Variants in AP1M1 observed in about 807,000 individuals in gnomAD.
AP1M1 encodes adaptor related protein complex 1 subunit mu 1.
In AP1M1, 18 loss-of-function variants were observed where a neutral mutation model predicts 57.1. The ratio of observed to expected loss-of-function variants is 0.32; its 90% CI spans 0.22 to 0.47. The LOEUF is 0.47. AP1M1 is among the 20% of genes least tolerant of loss of function. AP1M1 has a pLI of 1.00. For missense variants in AP1M1, 362 were observed against 593.5 expected (o/e 0.61, Z 4.05); for synonymous variants, 241 against 237.9 (o/e 1.01, Z -0.12).
At chr19:16,234,336 G>T (rs2091613844) in intron 11 of AP1M1, 62 bp downstream of exon 11, 1 of 1,613,266 alleles carries the variant, frequency 6.2e-7, no homozygotes, top group Non-Finnish European at 8.5e-7. Flanking sequence ...GCTGCCCCCA[G>T]GGTGGAGCCA....
intron 9 of AP1M1, 87 bp downstream of exon 9, chr19:16,229,015 G>A (rs2091584183): frequency 2.0e-6 from 3 of 1,474,824 alleles, no homozygotes. Flanking sequence ...TGCACCTCAA[G>A]ATGGGGTGAC....
rs527788254 is a variant in AP1M1 at position 16,215,295 on chromosome 19, T to C, written c.546+6118T>C. 1.3e-4 allele frequency among the ~76,000 whole-genome samples: 17 copies of C among 130,520 alleles called. No homozygotes were observed. The South Asian group carries it at 4.7e-3, about 36-fold the overall frequency. 85.6% of individuals were successfully genotyped at this position (130,520 alleles called of 152,430 possible). On this transcript the variant is annotated intron_variant, in intron 5 of 11. Transcript: ENST00000291439. ...GGCCAACATGGTGAAACCTGGTCTC[T>C]ACTGAAAATATAAAAATTAGCAGCA...
intron 5 of AP1M1, among the ~76,000 whole-genome samples, chr19:16,214,885 A>G (rs1441743500): frequency 6.6e-6 from 1 of 151,832 alleles, no homozygotes; most frequent in African/African-American, 2.4e-5. Flanking sequence ...ATTGGCTGGG[A>G]CTATAGGCAG....
chr19:16,226,585 G>T, intron 6 of AP1M1, 38 bp downstream of exon 6: 1 of 1,549,610 alleles, frequency 6.5e-7, no homozygotes, highest in Non-Finnish European at 8.8e-7. Flanking sequence ...CATGAGGATG[G>T]CCTCACCAGG....
chr19:16,242,566 T>TGG lies in AP1M1; in HGVS notation c.*8132_*8133insGG, dbSNP rs1333942879. The stretch of plus-strand genomic sequence containing the variant: ...TGAAATACAAAATCCTGTGATATCC[T>TGG]GTTTATACGCGATACATCTAAAATG... On this transcript the variant is annotated 3_prime_UTR_variant, in exon 12 of 12. Coordinates refer to ENST00000291439, the MANE Select transcript of AP1M1 (RefSeq NM_032493.4). 2 of 152,210 alleles carry TGG rather than the reference T, an allele frequency of 1.3e-5. No individual in the cohort carries two copies. Among genetic ancestry groups the TGG allele is most frequent in the Non-Finnish European group, 2.9e-5 (2 of 68,052 alleles). 9.4% of individuals were successfully genotyped at this position (152,210 alleles called of 1,614,324 possible).
At chr19:16,198,637 G>A (rs2145107676) in intron 1 of AP1M1, among the ~76,000 whole-genome samples, 1 of 152,296 alleles carries the variant, frequency 6.6e-6, no homozygotes, top group East Asian at 1.9e-4. Context: ...ACTGAGGCAT[G>A]GAGAGGTGAA....
rs2091630846 is a variant in AP1M1, at chr19:16,237,808, G to A, written c.*3373G>A. ...TATGTACACATAAACCAAGACCACA[G>A]TTAGATGCTATTTGCATCATGTCGG... is the stretch of plus-strand genomic sequence containing the variant. On this transcript the variant is annotated 3_prime_UTR_variant, in exon 12 of 12. Coordinates refer to ENST00000291439, the MANE Select transcript of AP1M1 (RefSeq NM_032493.4). The A allele has an allele frequency of 1.3e-5, 2 of 151,828 alleles. No homozygotes were observed. The highest frequency in any genetic ancestry group is 6.6e-5 in the Admixed American group (1 of 15,242). The allele number at this position is 151,828 out of a possible 1,614,324, so 9.4% of individuals were successfully genotyped here.
At chr19:16,201,335 C>A (rs1056463767) in intron 1 of AP1M1, among the ~76,000 whole-genome samples, 2 of 146,114 alleles carry the variant, frequency 1.4e-5, no homozygotes, top group African/African-American at 5.1e-5. Flanking sequence ...AAGCAGGGGT[C>A]AGGGTTCAGA....
intron 9 of AP1M1, among the ~76,000 whole-genome samples, chr19:16,230,223 T>G (rs1337817468): frequency 2.0e-5 from 3 of 152,204 alleles, no homozygotes; most frequent in Non-Finnish European, 4.4e-5. Context: ...TTTGTTTTAG[T>G]TTTTAAACAA....
At position 16,227,858 on chromosome 19, in the gene AP1M1, G is replaced by A. The variant is rs2145137552; in HGVS notation, c.816+168G>A. Among the ~76,000 whole-genome samples the A allele has an allele frequency of 6.6e-6, 1 of 152,246 alleles. No homozygotes were observed. Among genetic ancestry groups the A allele is most frequent in the South Asian group, 2.1e-4 (1 of 4,828 alleles). On this transcript the variant is annotated intron_variant, in intron 7 of 11. Coordinates refer to ENST00000291439, the MANE Select transcript of AP1M1 (RefSeq NM_032493.4). The surrounding 1 kb of genome is among the most constrained non-coding windows in gnomAD (Gnocchi z 6.2). Reference sequence around the variant, plus strand: ...ACTTGGGACTCCGAGCTTTCTGAGGGGCACAGACCCCTTTGGCCACCACCA... The same window carrying A: ...ACTTGGGACTCCGAGCTTTCTGAGGAGCACAGACCCCTTTGGCCACCACCA...
chr19:16,217,381 G>A (rs1169601145), intron 5 of AP1M1, among the ~76,000 whole-genome samples: 1 of 152,140 alleles, frequency 6.6e-6, no homozygotes, highest in Non-Finnish European at 1.5e-5. Flanking sequence ...TTGGGGAAGG[G>A]TGGGCTAGGT....
chr19:16,198,886 C>T (rs2091436078), intron 1 of AP1M1, among the ~76,000 whole-genome samples: 1 of 152,086 alleles, frequency 6.6e-6, no homozygotes, highest in South Asian at 2.1e-4. Context: ...CCACTCACTG[C>T]AACCTCCGCC....
At position 16,228,193 on chromosome 19, in the gene AP1M1, C is replaced by A. The variant is rs745957793; in HGVS notation, c.873C>A (p.Ile291=). 6.2e-7 allele frequency: 1 copy of A among 1,613,676 alleles called. No homozygotes were observed. The highest frequency in any genetic ancestry group is 1.3e-5 in the African/African-American group (1 of 74,948). Residue 291 remains isoleucine, a synonymous_variant, in exon 8 of 12, where the codon ATC becomes ATA. Coordinates refer to ENST00000291439, the MANE Select transcript of AP1M1 (RefSeq NM_032493.4). This position sits in a 1 kb window ranked among gnomAD's most constrained non-coding sequence, Gnocchi z 5.0. Reference sequence around the variant, plus strand: ...TCGAGAAGCACTCCCACAGCCGCATCGAGTACATGATCAAGGTGCGTGGGC... The same window carrying A: ...TCGAGAAGCACTCCCACAGCCGCATAGAGTACATGATCAAGGTGCGTGGGC... ...SVIEKHSHSR[I]EYMIKAKSQF...
chr19:16,198,163 G>A, intron 1 of AP1M1, 95 bp downstream of exon 1: 3 of 1,422,910 alleles, frequency 2.1e-6, no homozygotes, highest in Admixed American at 1.9e-5. Context: ...CGGCTTATGA[G>A]CCCCATCCTG....
Position 16,198,056 on chromosome 19 carries a change from C to T in AP1M1, c.30C>T (p.Asp10=). The T allele has an allele frequency of 6.2e-7, 1 of 1,604,928 alleles. No homozygotes were observed. Residue 10 remains aspartate (D), a synonymous_variant, in exon 1 of 12, where the codon GAC becomes GAT. Transcript: ENST00000291439. ...CCGCCAGCGCCGTCTACGTGCTGGA[C>T]CTGAAGGGCAAGGTACTGAGGGCTC... The part of the protein sequence containing the change: MSASAVYVL[D]LKGKVLICRN...
Position 16,233,600 on chromosome 19 carries a change from C to A in AP1M1, c.1155C>A (p.Phe385Leu). Residue 385 changes from phenylalanine (F) to leucine (L), a missense_variant, in exon 10 of 12, where the codon TTC becomes TTA. By Grantham distance (22) the Phe-to-Leu change is conservative. Coordinates refer to ENST00000291439, the MANE Select transcript of AP1M1 (RefSeq NM_032493.4). ...GTGTCAAGTTCGAGATCCCTTACTT[C>A]ACTACCTCCGGCATCCAGGTACGTA... ...PISVKFEIPY[F>L]TTSGIQVRYL... 6.2e-7 allele frequency: 1 copy of A among 1,611,492 alleles called. No individual in the cohort carries two copies. Among genetic ancestry groups the A allele is most frequent in the Non-Finnish European group, 8.5e-7 (1 of 1,178,936 alleles).
chr19:16,217,714 G>T (rs929576756), intron 5 of AP1M1, among the ~76,000 whole-genome samples: 2 of 152,178 alleles, frequency 1.3e-5, no homozygotes, highest in Admixed American at 6.5e-5. Flanking sequence ...GAGAGTTCAG[G>T]TCTGACAGTT....
At chr19:16,216,330 A>G (rs1003297772) in intron 5 of AP1M1, among the ~76,000 whole-genome samples, 11 of 152,108 alleles carry the variant, frequency 7.2e-5, no homozygotes, top group Admixed American at 2.0e-4. Flanking sequence ...CTGTAGTCCC[A>G]GCTACTTGGG....
At position 16,227,580 on chromosome 19, in the gene AP1M1, G is replaced by T; in HGVS notation, c.706G>T (p.Val236Leu). The T allele has an allele frequency of 6.2e-7, 1 of 1,614,064 alleles. No homozygotes were observed. Among genetic ancestry groups the T allele is most frequent in the Non-Finnish European group, 8.5e-7 (1 of 1,179,936 alleles). Residue 236 changes from valine to leucine, a missense_variant, in exon 7 of 12, where the codon GTG (valine) becomes TTG (leucine). Val to Leu is a conservative substitution (Grantham distance 32). Around this residue, in one of 2 missense-constraint regions of AP1M1, gnomAD observed 337 missense variants for 511.1 expected, o/e 0.66. Transcript: ENST00000291439. This position sits in a 1 kb window ranked among gnomAD's most constrained non-coding sequence, Gnocchi z 6.2. ...GKSKSVELEDVKFHQCVRLSR... is the reference protein window; with the variant it reads ...GKSKSVELEDLKFHQCVRLSR... The stretch of plus-strand genomic sequence containing the variant: ...AAGCAAATCCGTGGAGCTGGAGGAT[G>T]TGAAGTTCCACCAGTGTGTGCGGCT...
Sources: allele counts gnomAD v4.1 joint callset (sites outside exome capture counted in the v4.1 genomes callset), GRCh38; gene constraint gnomAD v4.1.1; regional missense constraint gnomAD v4.1.1; non-coding constraint Gnocchi (gnomAD v3.1); transcripts MANE v1.5; gene names NCBI Gene and HGNC (gene_info 2026-07-23, HGNC 2026-07-21).